The following SGCZ variants were observed in gnomAD, a reference collection of about 807,000 sequenced individuals.
SGCZ encodes the protein sarcoglycan zeta, also known as zeta-sarcoglycan.
Under a neutral mutation model 41.3 loss-of-function variants are expected in SGCZ, and 40 were observed. That is an observed-to-expected ratio of 0.97 (90% CI 0.75 to 1.26). SGCZ has a LOEUF of 1.26. SGCZ is among the 50% of genes most tolerant of loss of function. SGCZ has a pLI of 0.00. For missense variants in SGCZ, 552 were observed against 369.8 expected (o/e 1.49, Z -4.04); for synonymous variants, 206 against 137.5 (o/e 1.50, Z -3.49).
intron 1 of SGCZ, among the ~76,000 whole-genome samples, chr8:14,956,795 T>C (rs1346144397): frequency 6.6e-6 from 1 of 152,238 alleles, no homozygotes; most frequent in Admixed American, 6.5e-5. Flanking sequence ...CAGGTTATTT[T>C]TACATTGTTA....
intron 2 of SGCZ, among the ~76,000 whole-genome samples, chr8:14,398,877 T>C (rs1798992981): frequency 8.5e-5 from 13 of 152,138 alleles, no homozygotes. Flanking sequence ...ATGGCTGCTG[T>C]TTCATTCCAG....
intron 3 of SGCZ, among the ~76,000 whole-genome samples, chr8:14,265,954 C>A (rs1181175600): frequency 1.3e-5 from 2 of 151,726 alleles, no homozygotes; most frequent in East Asian, 1.9e-4. Context: ...TGAAAAGGAA[C>A]AAAGAAAGTC....
intron 4 of SGCZ, among the ~76,000 whole-genome samples, chr8:14,213,121 T>A (rs1276258270): frequency 1.3e-5 from 2 of 150,414 alleles, no homozygotes; most frequent in Admixed American, 6.6e-5. Flanking sequence ...AGGAGAGGAG[T>A]AAGAAGGAGG....
chr8:15,229,236 T>C (rs1185513174), intron 1 of SGCZ, among the ~76,000 whole-genome samples: 3 of 152,100 alleles, frequency 2.0e-5, no homozygotes, highest in Non-Finnish European at 4.4e-5. Flanking sequence ...TCAGAAGAGA[T>C]GTGAAATACT....
Position 14,739,859 on chromosome 8 carries a change from A to G in SGCZ, c.40-184933T>C, listed in dbSNP as rs188169069. On this transcript the variant is annotated intron_variant, in intron 1 of 7. Transcript: ENST00000382080. Reference sequence around the variant, plus strand: ...GGCTTCCATTTTTATCCAAAGTTCTATCGCAATTTCTCATTTAATTTCACT... The same window carrying G: ...GGCTTCCATTTTTATCCAAAGTTCTGTCGCAATTTCTCATTTAATTTCACT... 1.8e-4 allele frequency among the ~76,000 whole-genome samples: 28 copies of G among 152,162 alleles called. No homozygotes were observed. The East Asian group carries it at 4.1e-3, about 22-fold the overall frequency.
At chr8:14,428,131 C>T (rs1469877309) in intron 2 of SGCZ, among the ~76,000 whole-genome samples, 5 of 4,132 alleles carry the variant, frequency 1.2e-3, no homozygotes, top group Non-Finnish European at 1.5e-3. Context: ...CACACACACA[C>T]ACATATATAT....
intron 1 of SGCZ, among the ~76,000 whole-genome samples, chr8:14,629,220 C>A (rs1278004253): frequency 6.6e-6 from 1 of 152,064 alleles, no homozygotes; most frequent in East Asian, 1.9e-4. Context: ...GATTACTTCA[C>A]TGTAGAATGG....
At chr8:15,191,733 G>C (rs1423499618) in intron 1 of SGCZ, among the ~76,000 whole-genome samples, 6 of 151,750 alleles carry the variant, frequency 4.0e-5, no homozygotes, top group Non-Finnish European at 7.4e-5. Flanking sequence ...AATATGCTAG[G>C]AATAGAAGCA....
intron 1 of SGCZ, among the ~76,000 whole-genome samples, chr8:14,746,904 G>A (rs184219812): frequency 6.6e-6 from 1 of 152,156 alleles, no homozygotes; most frequent in Non-Finnish European, 1.5e-5. Context: ...TGATTCCAAT[G>A]CTCCACTGTG....
chr8:14,677,410 C>CA (rs1378480296), intron 1 of SGCZ, among the ~76,000 whole-genome samples: 1 of 152,076 alleles, frequency 6.6e-6, no homozygotes, highest in Non-Finnish European at 1.5e-5. Flanking sequence ...GCAACCCAAT[C>CA]AAAATCTCAG....
chr8:14,283,280 A>T (rs2116923557), intron 3 of SGCZ, among the ~76,000 whole-genome samples: 1 of 152,234 alleles, frequency 6.6e-6, no homozygotes, highest in Middle Eastern at 3.4e-3. Flanking sequence ...AACGATTCCC[A>T]TTCTGCTCAA....
intron 2 of SGCZ, among the ~76,000 whole-genome samples, chr8:14,444,375 C>G (rs961298826): frequency 1.6e-4 from 24 of 152,076 alleles, no homozygotes; most frequent in African/African-American, 5.8e-4. Flanking sequence ...ATGTTTATTG[C>G]GGCACTATTC....
chr8:14,999,969 G>A (rs1456279809), intron 1 of SGCZ, among the ~76,000 whole-genome samples: 3 of 152,138 alleles, frequency 2.0e-5, no homozygotes, highest in African/African-American at 7.2e-5. Flanking sequence ...ATACGTGGAT[G>A]CTCACACTCT....
intron 1 of SGCZ, among the ~76,000 whole-genome samples, chr8:14,628,780 T>A (rs1319953534): frequency 6.6e-6 from 1 of 152,134 alleles, no homozygotes; most frequent in Non-Finnish European, 1.5e-5. Context: ...CATTTATCTT[T>A]CCTGTAAATA....
chr8:14,711,798 T>C (rs927001114), intron 1 of SGCZ, among the ~76,000 whole-genome samples: 1 of 152,166 alleles, frequency 6.6e-6, no homozygotes, highest in African/African-American at 2.4e-5. Context: ...TACGTTCTGA[T>C]AGGAGATGGA....
intron 1 of SGCZ, among the ~76,000 whole-genome samples, chr8:14,852,329 T>G (rs1232406196): frequency 6.6e-6 from 1 of 152,188 alleles, no homozygotes; most frequent in Non-Finnish European, 1.5e-5. Context: ...GTCATAATAC[T>G]TTGTAAATAA....
At chr8:15,102,378 A>C (rs1806648040) in intron 1 of SGCZ, among the ~76,000 whole-genome samples, 1 of 152,180 alleles carries the variant, frequency 6.6e-6, no homozygotes, top group African/African-American at 2.4e-5. Context: ...GGAAGGAGAT[A>C]TAAATAGATA....
intron 5 of SGCZ, among the ~76,000 whole-genome samples, chr8:14,124,666 A>G (rs1802798937): frequency 6.6e-6 from 1 of 152,344 alleles, no homozygotes; most frequent in East Asian, 1.9e-4. Flanking sequence ...ACATCAAGAT[A>G]AAGAGTTTCT....
intron 2 of SGCZ, among the ~76,000 whole-genome samples, chr8:14,444,375 C>T (rs961298826): frequency 8.5e-5 from 13 of 152,076 alleles, no homozygotes; most frequent in Admixed American, 2.6e-4. Context: ...ATGTTTATTG[C>T]GGCACTATTC....
Sources: allele counts gnomAD v4.1 joint callset (sites outside exome capture counted in the v4.1 genomes callset), GRCh38; gene constraint gnomAD v4.1.1; transcripts MANE v1.5; gene names NCBI Gene and HGNC (gene_info 2026-07-23, HGNC 2026-07-21).